LDB2: variants seen among roughly 807,000 people sequenced by gnomAD.
LDB2 encodes LIM domain-binding protein 2.
LDB2 carries 12 observed loss-of-function variants against 44.3 expected under a neutral mutation model. That is an observed-to-expected ratio of 0.27 (90% CI 0.17 to 0.44). LDB2 has a LOEUF of 0.44. Among genes scored for constraint, LDB2 ranks in the 20% least tolerant of loss-of-function variants. The probability of loss-of-function intolerance (pLI) is 1.00; values close to 1 mark genes in which losing one functional copy is unlikely to be tolerated. For missense variants in LDB2, 344 were observed against 473.5 expected (o/e 0.73, Z 2.54); for synonymous variants, 164 against 174.8 (o/e 0.94, Z 0.49).
At chr4:16,881,563 G>T (rs1199769668) in intron 1 of LDB2, among the ~76,000 whole-genome samples, 2 of 145,388 alleles carry the variant, frequency 1.4e-5, no homozygotes, top group Admixed American at 6.8e-5. Flanking sequence ...TCTTCCTAAA[G>T]TTCTCTCGAT....
At chr4:16,543,461 C>T (rs1222001740) in intron 5 of LDB2, among the ~76,000 whole-genome samples, 1 of 152,194 alleles carries the variant, frequency 6.6e-6, no homozygotes, top group Non-Finnish European at 1.5e-5. Flanking sequence ...TAACGATCGC[C>T]ATTCTAACTG....
intron 1 of LDB2, among the ~76,000 whole-genome samples, chr4:16,855,596 C>T (rs780628574): frequency 1.3e-5 from 2 of 151,982 alleles, no homozygotes; most frequent in Non-Finnish European, 2.9e-5. Flanking sequence ...CCAATCACAT[C>T]GAGGAAGACA....
chr4:16,883,870 G>T (rs1172300636), intron 1 of LDB2, among the ~76,000 whole-genome samples: 1 of 151,994 alleles, frequency 6.6e-6, no homozygotes, highest in East Asian at 1.9e-4. Flanking sequence ...CACAAGGCAA[G>T]TTACATCACC....
chr4:16,850,221 T>G (rs936983815), intron 1 of LDB2, among the ~76,000 whole-genome samples: 6 of 152,070 alleles, frequency 3.9e-5, no homozygotes, highest in African/African-American at 7.2e-5. Context: ...TCCCTCCACA[T>G]GGACACATCT....
At position 16,588,733 on chromosome 4, in the gene LDB2, G is replaced by A; in HGVS notation, c.508C>T (p.Pro170Ser). The change falls in exon 4 of 8, where the codon CCG becomes TCG. Residue 170 changes from proline to serine, a missense_variant. Coordinates refer to ENST00000304523, the MANE Select transcript of LDB2 (RefSeq NM_001290.5). ...FTIRQYRELVPRSILAMHAQD... is the reference protein window; with the variant it reads ...FTIRQYRELVSRSILAMHAQD... Reference sequence around the variant, plus strand: ...ACATGCATGGCTAGGATGCTTCTCGGGACTAACTCTCGGTATTGTCTAATG... The same window carrying A: ...ACATGCATGGCTAGGATGCTTCTCGAGACTAACTCTCGGTATTGTCTAATG... 6.2e-7 allele frequency: 1 copy of A among 1,613,830 alleles called. No individual in the cohort carries two copies.
intron 5 of LDB2, among the ~76,000 whole-genome samples, chr4:16,522,628 T>C (rs1726651996): frequency 6.6e-6 from 1 of 152,230 alleles, no homozygotes; most frequent in Non-Finnish European, 1.5e-5. Flanking sequence ...GGAACAACTC[T>C]ATGTATCTCT....
chr4:16,880,029 C>T (rs114540596), intron 1 of LDB2, among the ~76,000 whole-genome samples: 1 of 152,264 alleles, frequency 6.6e-6, no homozygotes, highest in Non-Finnish European at 1.5e-5. Flanking sequence ...TGCTTGATGG[C>T]ATCTCAGACC....
intron 2 of LDB2, among the ~76,000 whole-genome samples, chr4:16,602,256 T>A (rs1285876652): frequency 6.6e-6 from 1 of 152,188 alleles, no homozygotes; most frequent in African/African-American, 2.4e-5. Context: ...TAGTTTAGAT[T>A]GGCCAGCCTG....
intron 5 of LDB2, among the ~76,000 whole-genome samples, chr4:16,521,864 A>G (rs2152276243): frequency 6.6e-6 from 1 of 152,276 alleles, no homozygotes; most frequent in Admixed American, 6.5e-5. Context: ...GTGGACTCTG[A>G]TTGACATACA....
At chr4:16,656,079 T>C (rs533812961) in intron 2 of LDB2, among the ~76,000 whole-genome samples, 2 of 152,116 alleles carry the variant, frequency 1.3e-5, no homozygotes, top group Admixed American at 6.5e-5. Context: ...TTTTGTATTT[T>C]TTAGTAGAGA....
rs1745361417 is a variant in LDB2 at position 16,568,591 on chromosome 4, T to A, written c.615+17331A>T. Among the ~76,000 whole-genome samples the A allele has an allele frequency of 4.6e-5, 7 of 152,300 alleles. No individual in the cohort carries two copies. In the South Asian group the frequency reaches 1.5e-3, roughly 32 times the overall value. ...TTCTTAATTGCAAGCCAGAGTTAGA[T>A]GCAATGTACTCATCCCTCAGCATAC... On this transcript the variant is annotated intron_variant, in intron 5 of 7. Transcript: ENST00000304523.
intron 2 of LDB2, among the ~76,000 whole-genome samples, chr4:16,754,061 C>T (rs114179784): frequency 1.8e-3 from 279 of 152,294 alleles, no homozygotes; most frequent in Non-Finnish European, 2.9e-3. Flanking sequence ...AACAAGGTAG[C>T]GTTTTAGTAG....
At chr4:16,551,159 A>G (rs958577438) in intron 5 of LDB2, among the ~76,000 whole-genome samples, 9 of 152,162 alleles carry the variant, frequency 5.9e-5, no homozygotes, top group Non-Finnish European at 1.2e-4. Flanking sequence ...TACTCTGGGG[A>G]ATGAGAAGAG....
intron 2 of LDB2, among the ~76,000 whole-genome samples, chr4:16,755,680 G>C (rs1272739603): frequency 6.6e-6 from 1 of 152,058 alleles, no homozygotes; most frequent in East Asian, 1.9e-4. Flanking sequence ...TAGCCCTAAT[G>C]TTCTTTATTC....
At chr4:16,688,672 CA>C (rs1749847602) in intron 2 of LDB2, among the ~76,000 whole-genome samples, 1 of 152,076 alleles carries the variant, frequency 6.6e-6, no homozygotes, top group Non-Finnish European at 1.5e-5. Context: ...CAGCTGTGTT[CA>C]AAACAGAGAA....
intron 1 of LDB2, among the ~76,000 whole-genome samples, chr4:16,786,617 G>A (rs1422167915): frequency 6.6e-6 from 1 of 152,160 alleles, no homozygotes; most frequent in Non-Finnish European, 1.5e-5. Flanking sequence ...AAACTAGCAA[G>A]AGTATATTCT....
chr4:16,667,506 T>C lies in LDB2; in HGVS notation c.236-71631A>G, dbSNP rs367845303. On this transcript the variant is annotated intron_variant, in intron 2 of 7. Coordinates refer to ENST00000304523, the MANE Select transcript of LDB2 (RefSeq NM_001290.5). The stretch of plus-strand genomic sequence containing the variant: ...CTCCTGATTCTCCATTTGATGCTCC[T>C]GCTACACCTGTTGTTTCCACCCACT... Among the ~76,000 whole-genome samples, 3 of 152,320 alleles carry C rather than the reference T, an allele frequency of 2.0e-5. No individual in the cohort carries two copies. The South Asian group carries it at 6.2e-4, about 32-fold the overall frequency.
chr4:16,549,493 A>C (rs889619504), intron 5 of LDB2, among the ~76,000 whole-genome samples: 2 of 152,144 alleles, frequency 1.3e-5, no homozygotes, highest in Non-Finnish European at 2.9e-5. Flanking sequence ...TCTCCACTGC[A>C]ATTATGCTGG....
At chr4:16,787,402 CA>C (rs1219411527) in intron 1 of LDB2, among the ~76,000 whole-genome samples, 1 of 152,152 alleles carries the variant, frequency 6.6e-6, no homozygotes, top group Non-Finnish European at 1.5e-5. Flanking sequence ...CACCCGAGGT[CA>C]GGAGTTCGAG....
Sources: allele counts gnomAD v4.1 joint callset (sites outside exome capture counted in the v4.1 genomes callset), GRCh38; gene constraint gnomAD v4.1.1; transcripts MANE v1.5; gene names NCBI Gene and HGNC (gene_info 2026-07-23, HGNC 2026-07-21).